The following CCNF variants were observed in gnomAD, a reference collection of about 807,000 sequenced individuals.
CCNF encodes the protein cyclin F.
CCNF carries 30 observed loss-of-function variants against 85.4 expected under a neutral mutation model. That is an observed-to-expected ratio of 0.35 (90% CI 0.26 to 0.48). The LOEUF (loss-of-function observed/expected upper bound fraction) is 0.48. Ranked by LOEUF, CCNF falls within the 20% of genes least tolerant of loss-of-function variation. The probability of loss-of-function intolerance (pLI) is 0.99; values close to 1 mark genes in which losing one functional copy is unlikely to be tolerated. For missense variants in CCNF, 919 were observed against 1,010.4 expected (o/e 0.91, Z 1.23); for synonymous variants, 439 against 425.1 (o/e 1.03, Z -0.40).
chr16:2,450,509 CA>C (rs56025006), intron 13 of CCNF, among the ~76,000 whole-genome samples: 98,192 of 132,558 alleles, frequency 0.74, 36,476 homozygotes, highest in African/African-American at 0.91. Context: ...AACTCCATCT[CA>C]AAAAAAAAAA....
At chr16:2,435,894 C>T (rs770372021) in intron 4 of CCNF, 21 bp downstream of exon 4, 9 of 1,583,510 alleles carry the variant, frequency 5.7e-6, no homozygotes, top group East Asian at 2.2e-5. Flanking sequence ...ACCCCACCTG[C>T]ATGTTGGCGC....
In CCNF at chr16:2,455,879, C is replaced by T. The variant is rs1014686662; in HGVS notation, c.1885+315C>T. Among the ~76,000 whole-genome samples the T allele has an allele frequency of 3.3e-5, 5 of 152,326 alleles. No individual in the cohort carries two copies. The South Asian group carries it at 1.0e-3, about 32-fold the overall frequency. The stretch of plus-strand genomic sequence containing the variant: ...GGAGGCAGAGACCCTGTCTGGAGTT[C>T]ATGGAGATCCTTCTAGGCCTGTAGT... On this transcript the variant is annotated intron_variant, in intron 16 of 16. Coordinates refer to ENST00000397066, the MANE Select transcript of CCNF (RefSeq NM_001761.3).
At position 2,449,399 on chromosome 16, in the gene CCNF, G is replaced by A. The variant is rs140563930; in HGVS notation, c.1336G>A (p.Ala446Thr). 9.3e-6 allele frequency: 15 copies of A among 1,611,898 alleles called. No homozygotes were observed. Among genetic ancestry groups the A allele is most frequent in the East Asian group, 4.5e-5 (2 of 44,894 alleles). ...CTCCCTGCTGCACACCAGCCTGTCCGCCTACGCCCCAGCCCGCCTGGCTGC... is the reference window on the plus strand; with the variant it reads ...CTCCCTGCTGCACACCAGCCTGTCCACCTACGCCCCAGCCCGCCTGGCTGC... The part of the protein sequence containing the change: ...ELSLLHTSLS[A>T]YAPARLAAAA... Residue 446 changes from alanine to threonine, a missense_variant, in exon 12 of 17, where the codon GCC becomes ACC. Ala to Thr is a moderately conservative substitution (Grantham distance 58). Coordinates refer to ENST00000397066, the MANE Select transcript of CCNF (RefSeq NM_001761.3).
intron 1 of CCNF, among the ~76,000 whole-genome samples, chr16:2,429,774 C>T (rs1596911962): frequency 7.1e-6 from 1 of 141,290 alleles, no homozygotes; most frequent in East Asian, 1.9e-4. Flanking sequence ...CCCGGGGCAG[C>T]GATCCGGCGA....
Position 2,437,175 on chromosome 16 carries a change from C to T in CCNF, c.393C>T (p.Ala131=). ...EARAEVNGLK[A]SRFFSLAERL... The stretch of plus-strand genomic sequence containing the variant: ...GCGCAGAAGTGAATGGCCTGAAGGC[C>T]TCTCGCTTCTTCAGTCTCGCTGAGC... The change falls in exon 5 of 17, where the codon GCC becomes GCT. Residue 131 remains alanine (A), a synonymous_variant. Coordinates refer to ENST00000397066, the MANE Select transcript of CCNF (RefSeq NM_001761.3). 1.2e-6 allele frequency: 2 copies of T among 1,611,532 alleles called. No individual in the cohort carries two copies. Among genetic ancestry groups the T allele is most frequent in the Non-Finnish European group, 1.7e-6 (2 of 1,178,184 alleles).
At chr16:2,439,516 C>A in intron 7 of CCNF, 59 bp downstream of exon 7, 1 of 1,283,318 alleles carries the variant, frequency 7.8e-7, no homozygotes, top group Admixed American at 1.9e-5. Context: ...GTAGTTGATG[C>A]TGGTCCTTGG....
chr16:2,432,840 T>C, intron 2 of CCNF, 121 bp from the exon 3 acceptor site: 1 of 579,664 alleles, frequency 1.7e-6, no homozygotes, highest in Admixed American at 3.0e-5. Flanking sequence ...GGACCTCAAC[T>C]ACTTGGGATG....
At chr16:2,443,866 C>A in intron 9 of CCNF, 66 bp downstream of exon 9, 2 of 1,490,640 alleles carry the variant, frequency 1.3e-6, no homozygotes, top group East Asian at 2.3e-5. Flanking sequence ...GGGAAGGGAG[C>A]CCTTTCCACT....
At chr16:2,434,077 G>A (rs182382278) in intron 3 of CCNF, among the ~76,000 whole-genome samples, 9 of 152,270 alleles carry the variant, frequency 5.9e-5, no homozygotes, top group Admixed American at 1.3e-4. Context: ...AGGCCAAGGC[G>A]GGTGGATCAC....
At chr16:2,441,981 A>G (rs796272963) in intron 8 of CCNF, among the ~76,000 whole-genome samples, 22 of 98,776 alleles carry the variant, frequency 2.2e-4, no homozygotes, top group Admixed American at 9.4e-4. Flanking sequence ...ATATATATAT[A>G]TGTTTTTGTT....
intron 10 of CCNF, among the ~76,000 whole-genome samples, chr16:2,447,464 A>G (rs1188559041): frequency 1.3e-5 from 2 of 151,894 alleles, no homozygotes; most frequent in African/African-American, 4.8e-5. Context: ...CATGCCTGTA[A>G]TCCCAGCTAC....
At position 2,439,456 on chromosome 16, in the gene CCNF, A is replaced by G; in HGVS notation, c.698A>G (p.Asp233Gly). The G allele has an allele frequency of 1.9e-6, 3 of 1,603,732 alleles. No homozygotes were observed. Among genetic ancestry groups the G allele is most frequent in the Non-Finnish European group, 2.6e-6 (3 of 1,173,084 alleles). Residue 233 changes from aspartate (D) to glycine (G), a missense_variant and splice_region_variant, in exon 7 of 17, where the codon GAT becomes GGT. By Grantham distance (94) the Asp-to-Gly change is moderately conservative (BLOSUM62 -1). Transcript: ENST00000397066. Reference protein sequence around the residue: ...YLLWESDRRTDVSDPGRCLHS... With the variant: ...YLLWESDRRTGVSDPGRCLHS... ...CTCTGGGAAAGCGACAGGAGGACAGATGTGAGTGGTGCCTGCTCTGGGTCG... is the reference window on the plus strand; with the variant it reads ...CTCTGGGAAAGCGACAGGAGGACAGGTGTGAGTGGTGCCTGCTCTGGGTCG...
Position 2,430,906 on chromosome 16 carries a change from T to G in CCNF, c.17-224T>G, listed in dbSNP as rs930016598. ...TGCGCTATTTGCCATAAATATTTGT[T>G]GAATATTTGAAAATGAATGATCTCT... On this transcript the variant is annotated intron_variant, in intron 1 of 16. Transcript: ENST00000397066. 2.4e-5 allele frequency: 17 copies of G among 711,816 alleles called. No individual in the cohort carries two copies. The African/African-American group carries it at 2.8e-4, about 12-fold the overall frequency. 44.1% of individuals were successfully genotyped at this position (711,816 alleles called of 1,614,324 possible).
chr16:2,439,690 G>C (rs930943532), intron 7 of CCNF, 59 bp from the exon 8 acceptor site: 34 of 1,433,822 alleles, frequency 2.4e-5, no homozygotes, highest in Non-Finnish European at 3.2e-5. Context: ...TCTGGGTCTT[G>C]GTTCTGAGTT....
intron 13 of CCNF, among the ~76,000 whole-genome samples, chr16:2,450,182 G>A (rs560216391): frequency 4.0e-4 from 60 of 150,264 alleles, no homozygotes; most frequent in African/African-American, 1.4e-3. Context: ...ACTCCAGCCT[G>A]GGTGACAGAG....
intron 10 of CCNF, among the ~76,000 whole-genome samples, chr16:2,447,316 G>T (rs1372976161): frequency 6.6e-6 from 1 of 151,084 alleles, no homozygotes; most frequent in Admixed American, 6.6e-5. Context: ...CAGGCACGGT[G>T]GCTCACGCCT....
chr16:2,439,890 C>T, intron 8 of CCNF, 64 bp downstream of exon 8: 1 of 1,384,824 alleles, frequency 7.2e-7, no homozygotes, highest in East Asian at 2.3e-5. Context: ...TGGGGCAGGA[C>T]TATCTGGGCT....
chr16:2,430,947 AT>A (rs2065259085), intron 1 of CCNF, 182 bp from the exon 2 acceptor site: 1 of 766,652 alleles, frequency 1.3e-6, no homozygotes, highest in Admixed American at 1.7e-5. Context: ...AATTTGTGCA[AT>A]GCCACTCCTT....
At chr16:2,435,976 C>A (rs1282160490) in intron 4 of CCNF, 103 bp downstream of exon 4, 6 of 771,078 alleles carry the variant, frequency 7.8e-6, no homozygotes, top group Non-Finnish European at 1.3e-5. Flanking sequence ...GCTGTCCTTG[C>A]TCTATCCGAT....
Sources: gnomAD v4.1 joint callset for allele counts (sites outside exome capture counted in the v4.1 genomes callset) on GRCh38, gnomAD v4.1.1 for gene constraint, MANE v1.5 for transcripts, NCBI Gene and HGNC (gene_info 2026-07-23, HGNC 2026-07-21) for gene names.